Variants in AFTPH observed in about 807,000 individuals in gnomAD.
The protein encoded by AFTPH is aftiphilin protein.
AFTPH carries 7 observed loss-of-function variants against 72.5 expected under a neutral mutation model. That is an observed-to-expected ratio of 0.10 (90% confidence interval 0.05 to 0.18). The LOEUF is 0.18. Ranked by LOEUF, AFTPH falls within the 10% of genes least tolerant of loss-of-function variation. The probability of loss-of-function intolerance (pLI) is 1.00; values close to 1 mark genes in which losing one functional copy is unlikely to be tolerated. For synonymous variants in AFTPH, 337 were observed against 370.1 expected, an observed-to-expected ratio of 0.91 and a Z score of 1.03; for missense variants, 979 against 1,060.5, an observed-to-expected ratio of 0.92 and a Z score of 1.07.
At chr2:64,569,975 C>A (rs1053647585) in intron 5 of AFTPH, among the ~76,000 whole-genome samples, 1 of 151,946 alleles carries the variant, frequency 6.6e-6, no homozygotes, top group Admixed American at 6.6e-5. Context: ...TCTAAACTTG[C>A]TTTAAAGAAA....
chr2:64,553,101 C>T, exon 2 of AFTPH: 1 of 1,614,118 alleles, frequency 6.2e-7, no homozygotes. Flanking sequence ...TGATTCTGTG[C>T]CAAATATTCA....
chr2:64,564,659 G>A (rs888104134), intron 2 of AFTPH, among the ~76,000 whole-genome samples: 18 of 151,868 alleles, frequency 1.2e-4, no homozygotes, highest in African/African-American at 4.1e-4. Context: ...GCAGAAACTG[G>A]AGTCTTGGCC....
At chr2:64,582,637 A>T (rs1376442180) in intron 7 of AFTPH, among the ~76,000 whole-genome samples, 1 of 152,148 alleles carries the variant, frequency 6.6e-6, no homozygotes, top group Admixed American at 6.5e-5. Flanking sequence ...GGTAGGAGGG[A>T]CAACCAAAAA....
intron 5 of AFTPH, among the ~76,000 whole-genome samples, chr2:64,572,240 G>T (rs902452488): frequency 4.7e-5 from 7 of 150,400 alleles, no homozygotes; most frequent in Non-Finnish European, 1.0e-4. Flanking sequence ...AAAAAAAGGT[G>T]TATTAGATTT....
intron 1 of AFTPH, among the ~76,000 whole-genome samples, chr2:64,545,695 T>C (rs888066460): frequency 4.2e-5 from 5 of 117,724 alleles, no homozygotes; most frequent in Non-Finnish European, 8.0e-5. Flanking sequence ...CCTCAAAGGG[T>C]TGCATACATA....
chr2:64,533,102 T>A (rs1180837887), intron 1 of AFTPH, among the ~76,000 whole-genome samples: 2 of 152,142 alleles, frequency 1.3e-5, no homozygotes, highest in East Asian at 3.9e-4. Context: ...GTTTCTGCTG[T>A]ATTAATAGAT....
exon 9 of AFTPH, chr2:64,592,434 A>T (rs1250924061): frequency 6.5e-6 from 1 of 153,534 alleles, no homozygotes. Context: ...TTGATTTTTC[A>T]TATTACATGT....
intron 6 of AFTPH, among the ~76,000 whole-genome samples, chr2:64,578,008 G>A (rs1383266046): frequency 2.0e-5 from 3 of 152,072 alleles, no homozygotes; most frequent in African/African-American, 7.2e-5. Flanking sequence ...ACCCTTAATA[G>A]TCACTGCCCC....
intron 1 of AFTPH, among the ~76,000 whole-genome samples, chr2:64,548,726 C>T (rs1265962483): frequency 3.3e-5 from 5 of 151,602 alleles, no homozygotes; most frequent in Non-Finnish European, 5.9e-5. Flanking sequence ...CAGATTACCT[C>T]GTACACTAAT....
chr2:64,534,427 T>C (rs1016564648), intron 1 of AFTPH, among the ~76,000 whole-genome samples: 4 of 152,230 alleles, frequency 2.6e-5, no homozygotes, highest in Non-Finnish European at 5.9e-5. Flanking sequence ...TTCTCTCGCC[T>C]GAAGCCCAAA....
chr2:64,571,231 A>G (rs1341460856), intron 5 of AFTPH, among the ~76,000 whole-genome samples: 1 of 151,336 alleles, frequency 6.6e-6, no homozygotes, highest in Non-Finnish European at 1.5e-5. Flanking sequence ...CACTTGGAAG[A>G]CTTGTTAAAA....
At chr2:64,555,016 G>T (rs1309132439) in intron 2 of AFTPH, among the ~76,000 whole-genome samples, 2 of 152,162 alleles carry the variant, frequency 1.3e-5, no homozygotes, top group Admixed American at 6.5e-5. Flanking sequence ...AAGCGTATGG[G>T]CTTCATGGAA....
chr2:64,530,952 C>T lies in AFTPH; in HGVS notation c.-33+6340C>T, dbSNP rs769270711. On this transcript the variant is annotated intron_variant, in intron 1 of 8. Transcript: ENST00000238856. ...TGTCAGGCACTTGTAATCCCAGCTA[C>T]TCGGGAGGCTGAGGCAAGAGAATTG... Among the ~76,000 whole-genome samples, 31 of 150,838 alleles carry T rather than the reference C, an allele frequency of 2.1e-4. 1 individual carries two copies. The highest frequency in any genetic ancestry group is 4.3e-4 in the Non-Finnish European group (29 of 67,880).
At chr2:64,585,261 A>G (rs1217530277) in intron 7 of AFTPH, among the ~76,000 whole-genome samples, 161 bp from the exon 9 acceptor site, 1 of 152,274 alleles carries the variant, frequency 6.6e-6, no homozygotes, top group Admixed American at 6.5e-5. Flanking sequence ...AGTGGAGTTT[A>G]TACTGTAAAA....
At chr2:64,531,138 A>G (rs1669612351) in intron 1 of AFTPH, among the ~76,000 whole-genome samples, 2 of 151,954 alleles carry the variant, frequency 1.3e-5, no homozygotes, top group South Asian at 4.1e-4. Flanking sequence ...GCCATTTTCA[A>G]GTTATCTCTG....
exon 2 of AFTPH, chr2:64,551,467 A>G (rs1465966426): frequency 1.2e-6 from 2 of 1,606,352 alleles, no homozygotes; most frequent in Admixed American, 1.7e-5. Context: ...TTTGAAAGCA[A>G]CTGAACAATG....
chr2:64,581,365 T>G, intron 7 of AFTPH, 92 bp downstream of exon 8: 1 of 997,870 alleles, frequency 1.0e-6, no homozygotes, highest in Non-Finnish European at 1.4e-6. Context: ...AACAAGTAGA[T>G]TGTATTCTCT....
intron 1 of AFTPH, among the ~76,000 whole-genome samples, chr2:64,549,894 A>G (rs977825413): frequency 6.6e-6 from 1 of 152,224 alleles, no homozygotes; most frequent in African/African-American, 2.4e-5. Flanking sequence ...ATAAAAGTGA[A>G]TATTTATTAA....
intron 1 of AFTPH, among the ~76,000 whole-genome samples, chr2:64,544,683 C>G (rs1670459697): frequency 6.6e-6 from 1 of 151,472 alleles, no homozygotes; most frequent in Non-Finnish European, 1.5e-5. Context: ...ATTCATTATA[C>G]AAGTAATACT....
Sources: allele counts gnomAD v4.1 joint callset (sites outside exome capture counted in the v4.1 genomes callset), GRCh38; gene constraint gnomAD v4.1.1; transcripts MANE v1.5; gene names NCBI Gene and HGNC (gene_info 2026-07-23, HGNC 2026-07-21).